Variants in LINGO2 observed in about 807,000 individuals in gnomAD.
LINGO2 encodes the protein leucine rich repeat and Ig domain containing 2.
In LINGO2, 14 loss-of-function variants were observed where a neutral mutation model predicts 30.6. That is an observed-to-expected ratio of 0.46 (90% CI 0.30 to 0.72). LINGO2 has a LOEUF of 0.72. Among genes scored for constraint, LINGO2 ranks in the 30% least tolerant of loss-of-function variants. LINGO2 has a pLI of 0.07. For synonymous variants in LINGO2, 317 were observed against 288.5 expected, an observed-to-expected ratio of 1.10 and a Z score of -1.00; for missense variants, 729 against 751.7, an observed-to-expected ratio of 0.97 and a Z score of 0.35.
chr9:28,649,246 T>C (rs1305222072), intron 1 of LINGO2, among the ~76,000 whole-genome samples: 2 of 152,128 alleles, frequency 1.3e-5, no homozygotes, highest in African/African-American at 2.4e-5. Context: ...AAAGAAGCAG[T>C]AACATAGCTT....
chr9:28,762,316 G>A, the LINGO2 span, among the ~76,000 whole-genome samples: 1 of 151,970 alleles, frequency 6.6e-6, no homozygotes, highest in Admixed American at 6.6e-5. Context: ...CAAAGGAAAG[G>A]AAGAAAGAGA....
chr9:29,038,431 A>G, the LINGO2 span, among the ~76,000 whole-genome samples: 4 of 152,156 alleles, frequency 2.6e-5, no homozygotes, highest in South Asian at 8.3e-4. Context: ...ACTGAAGGGA[A>G]TGTTCACTAA....
intron 1 of LINGO2, among the ~76,000 whole-genome samples, chr9:28,588,179 C>T (rs572922199): frequency 6.6e-6 from 1 of 151,988 alleles, no homozygotes; most frequent in African/African-American, 2.4e-5. Context: ...CAGCCCATTC[C>T]CCCTCTGTTT....
chr9:28,355,363 CTGTGTGTGTGTGTGTGTG>C (rs61656726), intron 3 of LINGO2, among the ~76,000 whole-genome samples: 16,090 of 115,342 alleles, frequency 0.14, 1,297 homozygotes, highest in Admixed American at 0.2. Flanking sequence ...CTCCCTCCCT[CTGTGTGTGTGTGTGTGTG>C]TGTGTGTGTG....
intron 4 of LINGO2, among the ~76,000 whole-genome samples, chr9:28,025,679 C>T (rs1347200378): frequency 1.3e-5 from 2 of 152,142 alleles, no homozygotes; most frequent in Non-Finnish European, 2.9e-5. Flanking sequence ...AACTCATACT[C>T]TAATAACTGC....
chr9:29,147,782 A>C, the LINGO2 span, among the ~76,000 whole-genome samples: 2 of 152,102 alleles, frequency 1.3e-5, no homozygotes, highest in African/African-American at 4.8e-5. Context: ...CTTGGTTTAT[A>C]ACTGAACAGC....
chr9:28,128,807 T>C (rs1440428258), intron 4 of LINGO2, among the ~76,000 whole-genome samples: 1 of 152,254 alleles, frequency 6.6e-6, no homozygotes, highest in South Asian at 2.1e-4. Flanking sequence ...CTTGATTGGA[T>C]TGAAGGATGC....
At chr9:29,004,077 C>T in the LINGO2 span, among the ~76,000 whole-genome samples, 1 of 151,980 alleles carries the variant, frequency 6.6e-6, no homozygotes, top group Non-Finnish European at 1.5e-5. Flanking sequence ...TCTTCAAGTA[C>T]TGCCTAAGGT....
intron 4 of LINGO2, among the ~76,000 whole-genome samples, chr9:28,235,097 C>G (rs1344090323): frequency 6.6e-6 from 1 of 152,178 alleles, no homozygotes; most frequent in African/African-American, 2.4e-5. Flanking sequence ...TTAGGTCTGA[C>G]CTGGCAGAGT....
intron 1 of LINGO2, among the ~76,000 whole-genome samples, chr9:28,550,270 T>A (rs1055710755): frequency 6.6e-6 from 1 of 151,828 alleles, no homozygotes; most frequent in Non-Finnish European, 1.5e-5. Context: ...ATTCTCTCAT[T>A]TTATGTGCTA....
At chr9:28,848,826 G>T in the LINGO2 span, among the ~76,000 whole-genome samples, 3 of 151,570 alleles carry the variant, frequency 2.0e-5, no homozygotes, top group Non-Finnish European at 4.4e-5. Flanking sequence ...AAACTCCCAC[G>T]CCTTCCTCTC....
the LINGO2 span, among the ~76,000 whole-genome samples, chr9:29,212,327 C>G: frequency 7.2e-5 from 11 of 151,958 alleles, no homozygotes; most frequent in South Asian, 2.1e-4. Flanking sequence ...CGCCCCCACA[C>G]CCACCCGCTC....
chr9:28,302,407 A>G (rs977076761), intron 3 of LINGO2, among the ~76,000 whole-genome samples: 3 of 152,218 alleles, frequency 2.0e-5, no homozygotes, highest in Admixed American at 2.0e-4. Flanking sequence ...GGCTGGGAGC[A>G]ATGGCTCACA....
At chr9:28,302,864 T>G (rs995179537) in intron 3 of LINGO2, among the ~76,000 whole-genome samples, 1 of 152,170 alleles carries the variant, frequency 6.6e-6, no homozygotes, top group Non-Finnish European at 1.5e-5. Flanking sequence ...GGGAGACAGG[T>G]ACTACTTCCA....
chr9:28,535,723 G>GATGC (rs1821411563), intron 1 of LINGO2, among the ~76,000 whole-genome samples: 1 of 138,852 alleles, frequency 7.2e-6, no homozygotes, highest in Admixed American at 7.8e-5. Flanking sequence ...CACACGTGTG[G>GATGC]ACGCACACAC....
At chr9:28,760,816 C>A in the LINGO2 span, among the ~76,000 whole-genome samples, 1 of 151,850 alleles carries the variant, frequency 6.6e-6, no homozygotes, top group African/African-American at 2.4e-5. Flanking sequence ...ATCCACATCA[C>A]TGCAAATGCT....
At chr9:28,257,356 T>C (rs1822416664) in intron 4 of LINGO2, among the ~76,000 whole-genome samples, 2 of 151,852 alleles carry the variant, frequency 1.3e-5, no homozygotes, top group African/African-American at 4.8e-5. Context: ...ACTGGCCTTT[T>C]TAAATAATTC....
At chr9:28,769,842 A>T in the LINGO2 span, among the ~76,000 whole-genome samples, 259 of 151,708 alleles carry the variant, frequency 1.7e-3, 1 homozygote, top group Non-Finnish European at 2.9e-3. Context: ...TTCTTATTCT[A>T]ATTTTTAAAT....
At chr9:28,743,876 C>T in the LINGO2 span, among the ~76,000 whole-genome samples, 2 of 151,614 alleles carry the variant, frequency 1.3e-5, no homozygotes, top group Non-Finnish European at 2.9e-5. Context: ...TTGGAAACTT[C>T]CCAGGATTTA....
Sources: allele counts gnomAD v4.1 joint callset (sites outside exome capture counted in the v4.1 genomes callset), GRCh38; gene constraint gnomAD v4.1.1; transcripts MANE v1.5; gene names NCBI Gene and HGNC (gene_info 2026-07-23, HGNC 2026-07-21).